The following ARSB variants were observed in gnomAD, a reference collection of about 807,000 sequenced individuals.
ARSB encodes the protein arylsulfatase B.
In ARSB, 41 loss-of-function variants were observed where a neutral mutation model predicts 50.9. That is an observed-to-expected ratio of 0.81 (90% confidence interval 0.63 to 1.04). The LOEUF (loss-of-function observed/expected upper bound fraction) is 1.04, where lower values mean the gene tolerates loss of function less well. Ranked by LOEUF, ARSB falls within the 50% of genes least tolerant of loss-of-function variation. The pLI, the probability that ARSB is intolerant of heterozygous loss-of-function variation, is 0.00. For missense variants in ARSB, 672 were observed against 693.3 expected, an observed-to-expected ratio of 0.97 and a Z score of 0.35; for synonymous variants, 269 against 284.8, an observed-to-expected ratio of 0.94 and a Z score of 0.56.
Position 78,780,052 on chromosome 5 carries a change from G to A in ARSB, c.*345C>T, listed in dbSNP as rs576318055. ...AACTGGCTATTGGCAGAGGGGAATC[G>A]AACGTCTGACTTGTGAGTCTAAAAG... On this transcript the variant is annotated 3_prime_UTR_variant, in exon 8 of 8. Coordinates refer to ENST00000264914, the MANE Select transcript of ARSB (RefSeq NM_000046.5). The A allele has an allele frequency of 2.3e-4, 72 of 317,058 alleles. 1 individual carries two copies. The highest frequency in any genetic ancestry group is 1.5e-3 in the South Asian group (46 of 29,856). 19.6% of individuals were successfully genotyped at this position (317,058 alleles called of 1,614,324 possible).
chr5:78,920,788 T>C (rs1369483284), intron 4 of ARSB, among the ~76,000 whole-genome samples: 1 of 152,170 alleles, frequency 6.6e-6, no homozygotes, highest in Non-Finnish European at 1.5e-5. Context: ...CTGGCTCACA[T>C]TGAGATCTGG....
In ARSB at chr5:78,984,929, C is replaced by CGCGGGCGGCGGGGGCGG. The variant is rs1350907582; in HGVS notation, c.312+7_312+8insCCGCCCCCGCCGCCCGC. ...GGGGGCGGCGCGGGCGGCGGGGGCG[C>CGCGGGCGGCGGGGGCGG]CGCGTACCTGGTAGCGGCCAGTGAG... On this transcript the variant is annotated splice_region_variant and intron_variant, in intron 1 of 7. Coordinates refer to ENST00000264914, the MANE Select transcript of ARSB (RefSeq NM_000046.5). The CGCGGGCGGCGGGGGCGG allele has an allele frequency of 1.5e-6, 2 of 1,356,558 alleles. No homozygotes were observed. The highest frequency in any genetic ancestry group is 1.9e-6 in the Non-Finnish European group (2 of 1,053,592). 84.0% of individuals were successfully genotyped at this position (1,356,558 alleles called of 1,614,324 possible). A position where few individuals can be genotyped will look rare whatever the true frequency, so the allele number is the denominator to read the frequency against.
rs1303573664 is a variant in ARSB at position 78,894,972 on chromosome 5, A to AC, written c.899-9146dup. The stretch of plus-strand genomic sequence containing the variant: ...ATGCCTAATGAGAGGCAAATGGCTA[A>AC]CAGGAGGCCTTGCAGCAGGAGACAA... On this transcript the variant is annotated intron_variant, in intron 4 of 7. Coordinates refer to ENST00000264914, the MANE Select transcript of ARSB (RefSeq NM_000046.5). Among the ~76,000 whole-genome samples, 32 of 152,340 alleles carry AC rather than the reference A, an allele frequency of 2.1e-4. 1 individual carries two copies. The highest frequency in any genetic ancestry group is 4.0e-4 in the Non-Finnish European group (27 of 68,024).
rs750898566 is a variant in ARSB, at chr5:78,985,042, C to T, written c.207G>A (p.Thr69=). The T allele has an allele frequency of 2.6e-6, 4 of 1,541,576 alleles. No individual in the cohort carries two copies. The highest frequency in any genetic ancestry group is 1.2e-5 in the South Asian group (1 of 83,366). ...DVGFHGSRIR[T]PHLDALAAGG... ...CGGCCGCCAGCGCGTCCAGGTGCGG[C>T]GTGCGGATGCGGGAGCCGTGGAAGC... The change falls in exon 1 of 8, where the codon ACG becomes ACA. Residue 69 remains threonine (T), a synonymous_variant. Transcript: ENST00000264914.
At chr5:78,933,467 A>G (rs149742283) in intron 4 of ARSB, among the ~76,000 whole-genome samples, 90 of 152,326 alleles carry the variant, frequency 5.9e-4, no homozygotes, top group African/African-American at 2.1e-3. Flanking sequence ...CAATATTTTA[A>G]ACAATTATTC....
intron 1 of ARSB, among the ~76,000 whole-genome samples, chr5:78,971,598 T>C (rs1399210627): frequency 6.6e-6 from 1 of 152,234 alleles, no homozygotes; most frequent in Non-Finnish European, 1.5e-5. Context: ...CCTGGCTTTA[T>C]CACTTATGAG....
chr5:78,984,823 C>G lies in ARSB; in HGVS notation c.312+114G>C, dbSNP rs1022085409. 23 of 838,864 alleles carry G rather than the reference C, an allele frequency of 2.7e-5. No individual in the cohort carries two copies. In the Admixed American group the frequency reaches 4.3e-4, roughly 16 times the overall value. The allele number at this position is 838,864 out of a possible 1,614,324, so 52.0% of individuals were successfully genotyped here. A position where few individuals can be genotyped will look rare whatever the true frequency, so the allele number is the denominator to read the frequency against. On this transcript the variant is annotated intron_variant, in intron 1 of 7. Coordinates refer to ENST00000264914, the MANE Select transcript of ARSB (RefSeq NM_000046.5). ...AAGCCGCCGGGACCCATAACTGGGT[C>G]GGCGGTCCGAGCCCCGCCTGCCAGC...
intron 7 of ARSB, among the ~76,000 whole-genome samples, chr5:78,781,085 A>T (rs1280187473): frequency 6.6e-6 from 1 of 152,222 alleles, no homozygotes; most frequent in East Asian, 1.9e-4. Flanking sequence ...CATCCCACAT[A>T]TTTTAAAAGT....
rs1475517467 is a variant in ARSB, at chr5:78,852,663, C to G, written c.1143-13237G>C. Among the ~76,000 whole-genome samples the G allele has an allele frequency of 8.5e-5, 13 of 152,130 alleles. No individual in the cohort carries two copies. The East Asian group carries it at 1.5e-3, about 18-fold the overall frequency. On this transcript the variant is annotated intron_variant, in intron 5 of 7. Transcript: ENST00000264914. The stretch of plus-strand genomic sequence containing the variant: ...ATCCTGCAGAGTGTTTTCCAACTTG[C>G]TTCCATTCTCCCCGTCACTTTCAGG...
intron 6 of ARSB, among the ~76,000 whole-genome samples, chr5:78,799,702 G>A (rs1743309395): frequency 6.6e-6 from 1 of 152,230 alleles, no homozygotes; most frequent in Non-Finnish European, 1.5e-5. Flanking sequence ...GAATGCAGGA[G>A]CCTGCTATCA....
intron 4 of ARSB, among the ~76,000 whole-genome samples, chr5:78,913,195 G>A (rs920182476): frequency 2.7e-5 from 4 of 149,594 alleles, no homozygotes; most frequent in South Asian, 2.1e-4. Flanking sequence ...CGCGATCTCC[G>A]CTCACTGCAG....
At chr5:78,893,032 G>A (rs1189321408) in intron 4 of ARSB, among the ~76,000 whole-genome samples, 1 of 152,166 alleles carries the variant, frequency 6.6e-6, no homozygotes, top group Admixed American at 6.5e-5. Flanking sequence ...TGTTGTAGGG[G>A]AGACCCAGTG....
chr5:78,813,814 TA>T (rs1561436450), intron 6 of ARSB, among the ~76,000 whole-genome samples: 1 of 152,168 alleles, frequency 6.6e-6, no homozygotes, highest in African/African-American at 2.4e-5. Flanking sequence ...TGCAGTACTA[TA>T]AAAATCTCTT....
intron 5 of ARSB, among the ~76,000 whole-genome samples, chr5:78,852,574 T>C (rs972880194): frequency 1.3e-5 from 2 of 152,178 alleles, no homozygotes; most frequent in African/African-American, 4.8e-5. Context: ...TGTGGCATTT[T>C]CTGTATTTCC....
chr5:78,841,171 A>C (rs3114501), intron 5 of ARSB, among the ~76,000 whole-genome samples: 3,658 of 61,858 alleles, frequency 0.059, 61 homozygotes, highest in African/African-American at 0.098. Flanking sequence ...ACTACTACTA[A>C]TAATAATAAT....
upstream of ARSB, chr5:78,985,348 C>T: frequency 1.8e-6 from 2 of 1,132,726 alleles, no homozygotes; most frequent in Non-Finnish European, 2.2e-6. Context: ...CGCCCCGGCG[C>T]GGGACGGCAC....
intron 3 of ARSB, among the ~76,000 whole-genome samples, chr5:78,956,282 T>C (rs936417400): frequency 6.6e-6 from 1 of 152,218 alleles, no homozygotes; most frequent in Non-Finnish European, 1.5e-5. Context: ...CCTCATATTA[T>C]GTAATTTCAT....
At chr5:78,797,080 G>A (rs999916619) in intron 6 of ARSB, among the ~76,000 whole-genome samples, 3 of 152,014 alleles carry the variant, frequency 2.0e-5, no homozygotes, top group Non-Finnish European at 4.4e-5. Context: ...GGGTTTCACC[G>A]TTTTAGCCGG....
At chr5:78,853,244 T>C (rs1257283022) in intron 5 of ARSB, among the ~76,000 whole-genome samples, 2 of 152,326 alleles carry the variant, frequency 1.3e-5, no homozygotes, top group East Asian at 3.9e-4. Context: ...GGTGTGGATG[T>C]CCTTTCTGTT....
Sources: allele counts gnomAD v4.1 joint callset (sites outside exome capture counted in the v4.1 genomes callset), GRCh38; gene constraint gnomAD v4.1.1; transcripts MANE v1.5; gene names NCBI Gene and HGNC (gene_info 2026-07-23, HGNC 2026-07-21).